Variants in HAP1 observed in about 807,000 individuals in gnomAD.
The protein encoded by HAP1 is huntingtin-associated protein 1.
In HAP1, 59 loss-of-function variants were observed where a neutral mutation model predicts 60.3. The observed-to-expected ratio is 0.98, with a 90% CI of 0.79 to 1.22. HAP1 has a LOEUF of 1.22. HAP1 is among the 50% of genes most tolerant of loss of function. The pLI is 0.00. For synonymous variants in HAP1, 346 were observed against 330.6 expected (o/e 1.05, Z -0.50); for missense variants, 825 against 785.3 (o/e 1.05, Z -0.60).
At chr17:41,725,520 A>G (rs1597736758) in intron 10 of HAP1, among the ~76,000 whole-genome samples, 1 of 152,180 alleles carries the variant, frequency 6.6e-6, no homozygotes, top group Non-Finnish European at 1.5e-5. Flanking sequence ...GACAGGTCAA[A>G]TGACTTGCCC....
intron 8 of HAP1, 46 bp from the exon 9 acceptor site, chr17:41,727,190 C>T (rs1555589092): frequency 2.0e-6 from 2 of 1,007,810 alleles, no homozygotes; most frequent in South Asian, 2.5e-5. Flanking sequence ...CCACAGAACC[C>T]CCACCCATAG....
At chr17:41,729,608 G>A (rs1555590034) in intron 6 of HAP1, among the ~76,000 whole-genome samples, 4 of 146,934 alleles carry the variant, frequency 2.7e-5, no homozygotes, top group Non-Finnish European at 3.0e-5. Flanking sequence ...GGGCGTGGTG[G>A]CTCACACCTG....
rs8074419 is a variant in HAP1 at position 41,728,811 on chromosome 17, C to T, written c.1070-480G>A. Among the ~76,000 whole-genome samples, 19 of 152,166 alleles carry T rather than the reference C, an allele frequency of 1.2e-4. No homozygotes were observed. In the South Asian group the frequency reaches 3.1e-3, roughly 25 times the overall value. ...CAGAGGCCATCATAAGACACTGGGACGGGGAGGGCCCAGAACAGTGCACAC... is the reference window on the plus strand; with the variant it reads ...CAGAGGCCATCATAAGACACTGGGATGGGGAGGGCCCAGAACAGTGCACAC... On this transcript the variant is annotated intron_variant, in intron 6 of 10. Coordinates refer to ENST00000347901, the MANE Select transcript of HAP1 (RefSeq NM_177977.3).
chr17:41,725,168 A>G lies in HAP1; in HGVS notation c.1407-14T>C. ...CGAAAATCATACCTGGGCGGGAGAT[A>G]GCGACATCTTTTGAGGGGCTGGAAA... On this transcript the variant is annotated splice_polypyrimidine_tract_variant and intron_variant, in intron 10 of 10. Coordinates refer to ENST00000347901, the MANE Select transcript of HAP1 (RefSeq NM_177977.3). The G allele has an allele frequency of 6.4e-7, 1 of 1,555,994 alleles. No homozygotes were observed. The highest frequency in any genetic ancestry group is 8.7e-7 in the Non-Finnish European group (1 of 1,149,794).
Position 41,732,306 on chromosome 17 carries a change from G to T in HAP1, c.638C>A (p.Ser213Tyr). 1.2e-6 allele frequency: 2 copies of T among 1,614,084 alleles called. No homozygotes were observed. The highest frequency in any genetic ancestry group is 1.7e-5 in the Admixed American group (1 of 60,018). The stretch of plus-strand genomic sequence containing the variant: ...CAAAACACTGTTCTGTTTCACCAGG[G>T]ACTGGCCGATGCGAGCTGCAGTGTT... ...DLNTAARIGQ[S>Y]LVKQNSVLME... The change falls in exon 3 of 11, where the codon TCC becomes TAC. Residue 213 changes from serine (S) to tyrosine (Y), a missense_variant. Physicochemically the swap from Ser to Tyr is moderately radical, Grantham distance 144. Coordinates refer to ENST00000347901, the MANE Select transcript of HAP1 (RefSeq NM_177977.3).
intron 8 of HAP1, 59 bp from the exon 9 acceptor site, chr17:41,727,203 T>C: frequency 1.1e-6 from 1 of 907,764 alleles, no homozygotes; most frequent in Non-Finnish European, 1.9e-6. Flanking sequence ...ACCCATAGGC[T>C]CAGGCACAGA....
intron 8 of HAP1, 33 bp from the exon 9 acceptor site, chr17:41,727,177 C>G (rs782468634): frequency 8.5e-7 from 1 of 1,175,722 alleles, no homozygotes; most frequent in Non-Finnish European, 1.3e-6. Context: ...TACCAGAGGA[C>G]CCCCACAGAA....
At chr17:41,722,521 CG>C (rs1911266865), downstream of HAP1, 3 of 152,394 alleles carry the variant, frequency 2.0e-5, no homozygotes, top group South Asian at 6.2e-4. Context: ...TATGATTAAA[CG>C]GCGTATTTAA....
intron 8 of HAP1, chr17:41,727,361 G>A: frequency 1.3e-6 from 1 of 780,706 alleles, no homozygotes; most frequent in South Asian, 1.3e-5. Context: ...GCTGGCGGAG[G>A]GTCTTCACCT....
chr17:41,729,602 G>T (rs1261533536), intron 6 of HAP1, among the ~76,000 whole-genome samples: 1 of 142,110 alleles, frequency 7.0e-6, no homozygotes, highest in Non-Finnish European at 1.5e-5. Flanking sequence ...TTGGCCGGGC[G>T]TGGTGGCTCA....
chr17:41,725,427 T>C (rs1911556339), intron 10 of HAP1, among the ~76,000 whole-genome samples: 1 of 152,180 alleles, frequency 6.6e-6, no homozygotes, highest in African/African-American at 2.4e-5. Flanking sequence ...CACCCACTTC[T>C]GCCTCCCTCC....
In HAP1 at chr17:41,734,512, C is replaced by A. The variant is rs1555592196; in HGVS notation, c.123G>T (p.Pro41=). The change falls in exon 1 of 11, where the codon CCG becomes CCT. Residue 41 remains proline, a synonymous_variant. Transcript: ENST00000347901. ...ASPAPEPSAQ[P]QARGTGQRVG... ...CTCTCTGTCCAGTGCCCCGTGCCTG[C>A]GGCTGCGCAGAGGGCTCCGGAGCGG... The A allele has an allele frequency of 1.2e-6, 2 of 1,611,936 alleles. No individual in the cohort carries two copies. The highest frequency in any genetic ancestry group is 1.7e-5 in the Admixed American group (1 of 59,986).
intron 8 of HAP1, 139 bp from the exon 9 acceptor site, chr17:41,727,283 G>A (rs533797263): frequency 1.3e-6 from 1 of 781,248 alleles, no homozygotes; most frequent in South Asian, 1.3e-5. Context: ...TGGGCAGCCA[G>A]GGGAGGGTCC....
rs782751392 is a variant in HAP1 at position 41,734,276 on chromosome 17, C to A, written c.359G>T (p.Arg120Leu). ...QGPFGSRATG[R>L]GTGKAAGIWK... ...GATGCCCGCTGCCTTTCCAGTCCCC[C>A]GGCCAGTGGCCCGGGAACCAAACGG... The change falls in exon 1 of 11, where the codon CGG (arginine) becomes CTG (leucine). Residue 120 changes from arginine to leucine, a missense_variant. Physicochemically the swap from Arg to Leu is moderately radical, Grantham distance 102 (BLOSUM62 -2). Transcript: ENST00000347901. The A allele has an allele frequency of 1.1e-5, 18 of 1,608,260 alleles. No individual in the cohort carries two copies. In the South Asian group the frequency reaches 1.7e-4, roughly 15 times the overall value.
chr17:41,733,457 C>A (rs955994934), intron 1 of HAP1, among the ~76,000 whole-genome samples: 1 of 148,476 alleles, frequency 6.7e-6, no homozygotes, highest in Admixed American at 6.9e-5. Context: ...GGGTCCCTGG[C>A]GCCTAGAATG....
At chr17:41,728,357 C>A in intron 6 of HAP1, 26 bp from the exon 7 acceptor site, 4 of 1,609,168 alleles carry the variant, frequency 2.5e-6, no homozygotes, top group Non-Finnish European at 3.4e-6. Context: ...GACAGGTCAG[C>A]CCTGGCTCCC....
At position 41,728,300 on chromosome 17, in the gene HAP1, C is replaced by G. The variant is rs781864534; in HGVS notation, c.1101G>C (p.Ser367=). 6.2e-7 allele frequency: 1 copy of G among 1,613,486 alleles called. No homozygotes were observed. The highest frequency in any genetic ancestry group is 8.5e-7 in the Non-Finnish European group (1 of 1,179,990). Residue 367 remains serine (S), a synonymous_variant, in exon 7 of 11, where the codon TCG becomes TCC. Transcript: ENST00000347901. The stretch of plus-strand genomic sequence containing the variant: ...TTTCCAGCCTGAGCACCAGCACCTC[C>G]GACAGCTCAGCCATCTGTTGGCTGG... ...SEASQQMAEL[S]EVLVLRLENY... is the part of the protein sequence containing the mutation.
intron 6 of HAP1, chr17:41,729,996 A>G: frequency 7.5e-6 from 1 of 132,608 alleles, no homozygotes; most frequent in African/African-American, 2.9e-5. Flanking sequence ...CCAAGACTGC[A>G]ACACTGTACT....
chr17:41,733,038 G>GTTTTTTTTTTTTTTTTTTGTTTTT (rs10679002), intron 1 of HAP1, among the ~76,000 whole-genome samples: 1 of 107,214 alleles, frequency 9.3e-6, no homozygotes. Context: ...GTTTTTTTTG[G>GTTTTTTTTTTTTTTTTTTGTTTTT]TTTTTTTTTT....
Sources: gnomAD v4.1 joint callset for allele counts (sites outside exome capture counted in the v4.1 genomes callset) on GRCh38, gnomAD v4.1.1 for gene constraint, MANE v1.5 for transcripts, NCBI Gene and HGNC (gene_info 2026-07-23, HGNC 2026-07-21) for gene names.